Variants in INVS observed in about 807,000 individuals in gnomAD.
The protein encoded by INVS is inversin.
In INVS, 86 loss-of-function variants were observed where a neutral mutation model predicts 108.8. The ratio of observed to expected loss-of-function variants is 0.79; its 90% confidence interval spans 0.66 to 0.95. The LOEUF (loss-of-function observed/expected upper bound fraction) is 0.95. Among genes scored for constraint, INVS ranks in the 40% least tolerant of loss-of-function variants. The pLI is 0.00. For missense variants in INVS, 1,169 were observed against 1,297.4 expected, an observed-to-expected ratio of 0.90 and a Z score of 1.52; for synonymous variants, 455 against 473.5, an observed-to-expected ratio of 0.96 and a Z score of 0.51.
At chr9:100,240,570 A>G (rs1831836010) in intron 6 of INVS, among the ~76,000 whole-genome samples, 1 of 152,064 alleles carries the variant, frequency 6.6e-6, no homozygotes, top group Non-Finnish European at 1.5e-5. Context: ...GTTTATGCTA[A>G]TACTATGATA....
chr9:100,167,583 C>T (rs73507836), intron 3 of INVS, among the ~76,000 whole-genome samples: 4,742 of 152,264 alleles, frequency 0.031, 236 homozygotes, highest in African/African-American at 0.11. Flanking sequence ...TGTATTCTCC[C>T]TACTCTGCTT....
chr9:100,101,252 T>C (rs1826980743), intron 1 of INVS: 1 of 151,016 alleles, frequency 6.6e-6, no homozygotes, highest in Admixed American at 6.7e-5. Flanking sequence ...GCTTGTTGAA[T>C]GAACGAATGT....
intron 10 of INVS, among the ~76,000 whole-genome samples, chr9:100,261,432 A>AT (rs1018061267): frequency 2.0e-5 from 3 of 150,982 alleles, no homozygotes; most frequent in East Asian, 2.0e-4. Context: ...TGCCTAGCTA[A>AT]TTTTTTTTTG....
At chr9:100,169,754 G>A (rs1361403686) in intron 3 of INVS, among the ~76,000 whole-genome samples, 2 of 152,110 alleles carry the variant, frequency 1.3e-5, no homozygotes, top group Non-Finnish European at 2.9e-5. Flanking sequence ...TATGTGAATA[G>A]GCATTTCTAA....
At chr9:100,156,943 TAC>T (rs140690543) in intron 3 of INVS, among the ~76,000 whole-genome samples, 3 of 149,594 alleles carry the variant, frequency 2.0e-5, no homozygotes, top group Non-Finnish European at 4.4e-5. Flanking sequence ...TATATATATA[TAC>T]ACACACACAC....
At chr9:100,148,248 A>C (rs1304788940) in intron 3 of INVS, among the ~76,000 whole-genome samples, 1 of 152,146 alleles carries the variant, frequency 6.6e-6, no homozygotes, top group Non-Finnish European at 1.5e-5. Context: ...GAAACTAATA[A>C]AATAATTTAT....
intron 5 of INVS, among the ~76,000 whole-genome samples, chr9:100,237,842 A>C (rs1831738491): frequency 6.6e-6 from 1 of 151,516 alleles, no homozygotes; most frequent in South Asian, 2.1e-4. Flanking sequence ...TTTAGTATAG[A>C]TCTTTCGGTG....
At chr9:100,227,700 T>TTA (rs780693204) in intron 4 of INVS, among the ~76,000 whole-genome samples, 2 of 143,832 alleles carry the variant, frequency 1.4e-5, no homozygotes, top group African/African-American at 5.0e-5. Flanking sequence ...TAAGCCTGAT[T>TTA]AAAAAAAAAA....
intron 14 of INVS, among the ~76,000 whole-genome samples, chr9:100,294,316 T>A (rs1192181769): frequency 6.6e-6 from 1 of 152,150 alleles, no homozygotes; most frequent in Non-Finnish European, 1.5e-5. Flanking sequence ...GTTCTCTCCT[T>A]AACATTGGCA....
At chr9:100,263,792 T>C (rs1832701562) in intron 10 of INVS, among the ~76,000 whole-genome samples, 1 of 152,220 alleles carries the variant, frequency 6.6e-6, no homozygotes, top group African/African-American at 2.4e-5. Context: ...AAATGTTCTA[T>C]GTACATGTGA....
chr9:100,219,129 T>C (rs1372606517), intron 3 of INVS, among the ~76,000 whole-genome samples: 1 of 151,786 alleles, frequency 6.6e-6, no homozygotes, highest in Non-Finnish European at 1.5e-5. Context: ...AGAGAAGATA[T>C]TTGCAAAACC....
At chr9:100,284,846 T>C (rs181326098) in intron 13 of INVS, among the ~76,000 whole-genome samples, 19 of 152,324 alleles carry the variant, frequency 1.2e-4, no homozygotes, top group South Asian at 1.2e-3. Flanking sequence ...TTTGTTTTCT[T>C]TTCTTTTTTA....
chr9:100,120,184 G>A (rs1027495141), intron 2 of INVS, among the ~76,000 whole-genome samples: 1 of 152,188 alleles, frequency 6.6e-6, no homozygotes. Flanking sequence ...AGACTTATTG[G>A]TGCTGCTTTG....
chr9:100,191,583 T>G (rs148553581), intron 3 of INVS, among the ~76,000 whole-genome samples: 10 of 152,318 alleles, frequency 6.6e-5, no homozygotes, highest in African/African-American at 1.9e-4. Flanking sequence ...ACTCATATCC[T>G]GAATTATTTT....
chr9:100,153,564 A>G (rs1828875930), intron 3 of INVS, among the ~76,000 whole-genome samples: 1 of 152,218 alleles, frequency 6.6e-6, no homozygotes, highest in Non-Finnish European at 1.5e-5. Context: ...ACTGTAGGGA[A>G]ATGAGCATTC....
At chr9:100,134,968 C>T (rs953455825) in intron 3 of INVS, among the ~76,000 whole-genome samples, 2 of 152,014 alleles carry the variant, frequency 1.3e-5, no homozygotes, top group Non-Finnish European at 2.9e-5. Flanking sequence ...ACAAGAAAAA[C>T]TAATCTATGG....
chr9:100,148,113 G>A (rs533927933), intron 3 of INVS, among the ~76,000 whole-genome samples: 7 of 151,896 alleles, frequency 4.6e-5, no homozygotes, highest in African/African-American at 1.5e-4. Flanking sequence ...GTTTGAGGCT[G>A]TAGTGAGCTA....
intron 3 of INVS, among the ~76,000 whole-genome samples, chr9:100,168,773 A>G (rs561374195): frequency 4.6e-5 from 7 of 152,232 alleles, no homozygotes; most frequent in Non-Finnish European, 5.9e-5. Flanking sequence ...TTCAGCTAAC[A>G]TATGCTTCCT....
At chr9:100,100,788 A>ATATAG (rs1554712485) in intron 1 of INVS, among the ~76,000 whole-genome samples, 2 of 6,012 alleles carry the variant, frequency 3.3e-4, no homozygotes, top group Admixed American at 3.4e-3. Context: ...AATATATATT[A>ATATAG]TATATATAAT....
Sources: gnomAD v4.1 joint callset for allele counts (sites outside exome capture counted in the v4.1 genomes callset) on GRCh38, gnomAD v4.1.1 for gene constraint, MANE v1.5 for transcripts, NCBI Gene and HGNC (gene_info 2026-07-23, HGNC 2026-07-21) for gene names.